The following MATCAP2 variants were observed in gnomAD, a reference collection of about 807,000 sequenced individuals.
The protein encoded by MATCAP2 is putative tyrosine carboxypeptidase MATCAP2.
the MATCAP2 span, among the ~76,000 whole-genome samples, chr7:36,359,244 A>C: frequency 6.6e-6 from 1 of 152,210 alleles, no homozygotes; most frequent in East Asian, 1.9e-4. Context: ...TGGTTGTCAC[A>C]ACTGGGGAGA....
chr7:36,330,669 T>C, the MATCAP2 span, among the ~76,000 whole-genome samples: 1 of 152,152 alleles, frequency 6.6e-6, no homozygotes, highest in Non-Finnish European at 1.5e-5. Context: ...TTTGGAGATA[T>C]TATGGGGGGA....
the MATCAP2 span, among the ~76,000 whole-genome samples, chr7:36,382,653 C>T: frequency 2.0e-5 from 3 of 152,012 alleles, no homozygotes; most frequent in Non-Finnish European, 4.4e-5. Flanking sequence ...CCACCAGGCC[C>T]GGCTAATTTT....
At chr7:36,356,370 C>CTGGG in the MATCAP2 span, 1 of 157,682 alleles carries the variant, frequency 6.3e-6, no homozygotes, top group Non-Finnish European at 1.4e-5. Flanking sequence ...CAAAAATTAG[C>CTGGG]TGGGTATGGT....
the MATCAP2 span, among the ~76,000 whole-genome samples, chr7:36,384,975 G>C: frequency 1.2e-4 from 18 of 152,062 alleles, no homozygotes; most frequent in Non-Finnish European, 2.1e-4. Context: ...GGATATTATT[G>C]GATATCATTT....
the MATCAP2 span, among the ~76,000 whole-genome samples, chr7:36,381,538 G>C: frequency 6.6e-6 from 1 of 151,886 alleles, no homozygotes; most frequent in Non-Finnish European, 1.5e-5. Flanking sequence ...AGGTATGGTG[G>C]TGGGCACCTG....
At chr7:36,389,789 G>A in the MATCAP2 span, 1 of 681,164 alleles carries the variant, frequency 1.5e-6, no homozygotes, top group Non-Finnish European at 2.3e-6. Flanking sequence ...CGGGGAGAGG[G>A]CGCCCCGGCT....
chr7:36,347,066 T>C, the MATCAP2 span, among the ~76,000 whole-genome samples: 17 of 152,298 alleles, frequency 1.1e-4, no homozygotes, highest in African/African-American at 4.1e-4. Flanking sequence ...GTCTATTTTA[T>C]TGCTTATGAT....
the MATCAP2 span, among the ~76,000 whole-genome samples, chr7:36,370,574 T>C: frequency 6.6e-6 from 1 of 152,034 alleles, no homozygotes; most frequent in Non-Finnish European, 1.5e-5. Context: ...CTCTGCCTCC[T>C]GGGTTCAAGT....
chr7:36,343,356 G>C, the MATCAP2 span, among the ~76,000 whole-genome samples: 1 of 92,474 alleles, frequency 1.1e-5, no homozygotes, highest in Non-Finnish European at 2.1e-5. Flanking sequence ...GGAGCAGAGG[G>C]GAAGGGAGGA....
chr7:36,390,000 T>G, the MATCAP2 span: 2 of 1,613,986 alleles, frequency 1.2e-6, no homozygotes, highest in Non-Finnish European at 1.7e-6. Flanking sequence ...ACCGTTTCCA[T>G]CGTCTCGTAG....
chr7:36,350,557 C>CA, the MATCAP2 span, among the ~76,000 whole-genome samples: 16 of 133,252 alleles, frequency 1.2e-4, no homozygotes, highest in Non-Finnish European at 2.5e-4. Flanking sequence ...TTTTTTGAGA[C>CA]AGAGTCTCAT....
chr7:36,333,840 G>GT, the MATCAP2 span: 1 of 1,580,136 alleles, frequency 6.3e-7, no homozygotes, highest in Non-Finnish European at 8.6e-7. Flanking sequence ...AAAACCTAGA[G>GT]TTAAGGGACA....
the MATCAP2 span, chr7:36,331,138 T>C: frequency 1.0e-6 from 1 of 965,198 alleles, no homozygotes; most frequent in Non-Finnish European, 1.7e-6. Flanking sequence ...TAAGTAGATA[T>C]CAACCCATTC....
the MATCAP2 span, among the ~76,000 whole-genome samples, chr7:36,354,217 G>A: frequency 2.6e-5 from 4 of 152,330 alleles, no homozygotes; most frequent in African/African-American, 9.6e-5. Context: ...CCTGCTGTAT[G>A]TCCTGTATCA....
At chr7:36,342,869 G>A in the MATCAP2 span, among the ~76,000 whole-genome samples, 8 of 152,214 alleles carry the variant, frequency 5.3e-5, no homozygotes, top group South Asian at 2.1e-4. Flanking sequence ...CAGGCAATCC[G>A]CCTGCCTCCA....
the MATCAP2 span, chr7:36,389,898 G>A: frequency 1.3e-6 from 2 of 1,541,344 alleles, no homozygotes; most frequent in Non-Finnish European, 1.8e-6. Context: ...GAGGACAGCT[G>A]GTTGTGGGAG....
the MATCAP2 span, among the ~76,000 whole-genome samples, chr7:36,375,278 C>T: frequency 1.3e-5 from 2 of 152,194 alleles, no homozygotes; most frequent in Non-Finnish European, 2.9e-5. Flanking sequence ...ATTTGCATTT[C>T]TCTGATGACC....
At chr7:36,373,434 C>T in the MATCAP2 span, among the ~76,000 whole-genome samples, 1 of 152,002 alleles carries the variant, frequency 6.6e-6, no homozygotes, top group Non-Finnish European at 1.5e-5. Flanking sequence ...TTTTAGGGGA[C>T]AAGCGATCTA....
chr7:36,362,626 A>T, the MATCAP2 span, among the ~76,000 whole-genome samples: 110 of 152,308 alleles, frequency 7.2e-4, no homozygotes, highest in African/African-American at 2.6e-3. Context: ...TCTTGGTCAG[A>T]TCCTTCTGCC....
Sources: allele counts gnomAD v4.1 joint callset (sites outside exome capture counted in the v4.1 genomes callset), GRCh38; gene constraint gnomAD v4.1.1; transcripts MANE v1.5; gene names NCBI Gene and HGNC (gene_info 2026-07-23, HGNC 2026-07-21).